The following CUX1 variants were observed in gnomAD, a reference collection of about 807,000 sequenced individuals.
The protein encoded by CUX1 is protein CASP.
In CUX1, 31 loss-of-function variants were observed where a neutral mutation model predicts 158.8. The observed-to-expected ratio is 0.20, with a 90% confidence interval of 0.15 to 0.26. The LOEUF is 0.26. CUX1 is among the 10% of genes least tolerant of loss of function. The pLI is 1.00. For synonymous variants in CUX1, 879 were observed against 862.1 expected (o/e 1.02, Z -0.34); for missense variants, 1,589 against 2,014.6 (o/e 0.79, Z 4.04).
intron 11 of CUX1, among the ~76,000 whole-genome samples, chr7:102,184,216 T>C (rs1793413319): frequency 6.6e-6 from 1 of 152,170 alleles, no homozygotes; most frequent in South Asian, 2.1e-4. Context: ...ACATAGTTTA[T>C]AGATTAAACA....
At chr7:102,037,416 G>A (rs1046700139) in intron 3 of CUX1, among the ~76,000 whole-genome samples, 12 of 147,328 alleles carry the variant, frequency 8.1e-5, no homozygotes, top group African/African-American at 2.8e-4. Flanking sequence ...GCAATGGCAC[G>A]ATCTTGGCTC....
intron 20 of CUX1, among the ~76,000 whole-genome samples, chr7:102,210,035 T>C (rs1463467368): frequency 1.3e-5 from 2 of 152,150 alleles, no homozygotes; most frequent in Non-Finnish European, 2.9e-5. Flanking sequence ...TTATAGACAC[T>C]TTCCACCACA....
chr7:102,270,665 A>G (rs1437802825), intron 14 of CUX1, among the ~76,000 whole-genome samples: 1 of 151,632 alleles, frequency 6.6e-6, no homozygotes, highest in East Asian at 1.9e-4. Flanking sequence ...TCCCCCAACC[A>G]CTCAGCCCTG....
At chr7:102,067,701 G>A (rs982007803) in intron 3 of CUX1, among the ~76,000 whole-genome samples, 2 of 151,750 alleles carry the variant, frequency 1.3e-5, no homozygotes, top group Non-Finnish European at 2.9e-5. Context: ...GCTAATAATG[G>A]GGGAGGGGGT....
chr7:102,256,546 C>T lies in CUX1; in HGVS notation c.*7504C>T. ...TTCCCCAGCAAAATCAAACACCTGT[C>T]TCCAGAGTAGCCACTCAAAAACTGG... On this transcript the variant is annotated 3_prime_UTR_variant, in exon 24 of 24. Coordinates refer to ENST00000292535, the MANE Select transcript of CUX1 (RefSeq NM_181552.4). The T allele has an allele frequency of 1.0e-6, 1 of 985,414 alleles. No individual in the cohort carries two copies. Among genetic ancestry groups the T allele is most frequent in the Non-Finnish European group, 1.2e-6 (1 of 829,924 alleles). 61.0% of individuals were successfully genotyped at this position (985,414 alleles called of 1,614,324 possible).
At chr7:101,965,671 C>A (rs1050335832) in intron 2 of CUX1, among the ~76,000 whole-genome samples, 17 of 151,916 alleles carry the variant, frequency 1.1e-4, no homozygotes, top group Admixed American at 9.2e-4. Flanking sequence ...CACAGTGAAA[C>A]CCTGTCTCTA....
intron 8 of CUX1, among the ~76,000 whole-genome samples, chr7:102,135,246 C>T (rs1341716858): frequency 2.0e-5 from 3 of 152,084 alleles, no homozygotes; most frequent in African/African-American, 2.4e-5. Context: ...TTGTAAGTTA[C>T]ATATGTTATA....
intron 1 of CUX1, among the ~76,000 whole-genome samples, chr7:101,905,491 G>A (rs1214302697): frequency 2.0e-5 from 3 of 152,206 alleles, no homozygotes; most frequent in Non-Finnish European, 4.4e-5. Flanking sequence ...GTGGGAATCC[G>A]TGTTCACGCT....
At chr7:102,032,559 C>T (rs185237389) in intron 3 of CUX1, among the ~76,000 whole-genome samples, 1 of 152,052 alleles carries the variant, frequency 6.6e-6, no homozygotes, top group Admixed American at 6.6e-5. Flanking sequence ...ATCACAGCTA[C>T]CTGGGAGGCT....
intron 2 of CUX1, among the ~76,000 whole-genome samples, chr7:102,020,787 G>T (rs1173775911): frequency 2.6e-5 from 4 of 152,024 alleles, no homozygotes; most frequent in African/African-American, 9.7e-5. Context: ...AGCTGAGGCA[G>T]GAGAATTGCT....
intron 3 of CUX1, among the ~76,000 whole-genome samples, chr7:102,051,519 G>A (rs1410933573): frequency 3.9e-5 from 6 of 151,992 alleles, no homozygotes; most frequent in Admixed American, 6.6e-5. Context: ...ATGATGGTGC[G>A]CAACTGTAGT....
intron 1 of CUX1, among the ~76,000 whole-genome samples, chr7:101,859,612 A>T (rs1229059722): frequency 6.6e-6 from 1 of 152,064 alleles, no homozygotes; most frequent in Non-Finnish European, 1.5e-5. Flanking sequence ...GAACGTTTGG[A>T]AATACCGTTT....
At chr7:102,263,607 C>T (rs10953361) in intron 14 of CUX1, among the ~76,000 whole-genome samples, 89,679 of 151,164 alleles carry the variant, frequency 0.59, 27,029 homozygotes, top group East Asian at 0.78. Flanking sequence ...TGAGCCACTG[C>T]GCCCAGCCGA....
At position 101,935,364 on chromosome 7, in the gene CUX1, C is replaced by A. The variant is rs1213831376; in HGVS notation, c.141+19139C>A. 2.6e-5 allele frequency among the ~76,000 whole-genome samples: 4 copies of A among 152,162 alleles called. No individual in the cohort carries two copies. In the East Asian group the frequency reaches 7.7e-4, roughly 29 times the overall value. On this transcript the variant is annotated intron_variant, in intron 2 of 23. Transcript: ENST00000292535. ...CTTTTCAGACTCAGCCCACCTGCAC[C>A]CAGGTGAAATAAACAGCTTTATTGC...
At chr7:102,213,063 C>T (rs568511839) in intron 20 of CUX1, among the ~76,000 whole-genome samples, 35 of 152,176 alleles carry the variant, frequency 2.3e-4, no homozygotes, top group Middle Eastern at 6.8e-3. Context: ...AGGCTGGCCT[C>T]GAACTCCTGA....
chr7:102,041,894 C>T (rs1822156785), intron 3 of CUX1, among the ~76,000 whole-genome samples: 1 of 152,076 alleles, frequency 6.6e-6, no homozygotes, highest in South Asian at 2.1e-4. Context: ...GTGTCAAACT[C>T]CTAGCTCAGG....
chr7:101,930,363 A>G (rs997309736), intron 2 of CUX1, among the ~76,000 whole-genome samples: 1 of 152,244 alleles, frequency 6.6e-6, no homozygotes, highest in Non-Finnish European at 1.5e-5. Context: ...GGAATTGATT[A>G]TAAGCCAAAG....
intron 3 of CUX1, among the ~76,000 whole-genome samples, chr7:102,043,665 A>G (rs1585394437): frequency 6.6e-6 from 1 of 152,070 alleles, no homozygotes; most frequent in East Asian, 1.9e-4. Context: ...ATATCTTTCT[A>G]TTGTAAATAG....
chr7:102,203,951 C>G (rs1469167141), intron 18 of CUX1, among the ~76,000 whole-genome samples: 3 of 152,206 alleles, frequency 2.0e-5, no homozygotes, highest in African/African-American at 4.8e-5. Context: ...CAGAGGACAC[C>G]AGCTTCGCCA....
Sources: gnomAD v4.1 joint callset for allele counts (sites outside exome capture counted in the v4.1 genomes callset) on GRCh38, gnomAD v4.1.1 for gene constraint, MANE v1.5 for transcripts, NCBI Gene and HGNC (gene_info 2026-07-23, HGNC 2026-07-21) for gene names.